Variants in SLC35H1 observed in about 807,000 individuals in gnomAD.
SLC35H1 encodes the protein ovarian cancer-overexpressed gene 1 protein.
the SLC35H1 span, chr20:46,357,840 T>C: frequency 2.5e-6 from 4 of 1,574,608 alleles, no homozygotes; most frequent in African/African-American, 4.1e-5. Flanking sequence ...GGCTCCCTCT[T>C]CCTCTTCGCC....
At chr20:46,348,937 A>C in the SLC35H1 span, 1 of 152,196 alleles carries the variant, frequency 6.6e-6, no homozygotes, top group African/African-American at 2.4e-5. Flanking sequence ...CTGGCCCTTT[A>C]CAGGAAGTTT....
At chr20:46,361,511 ACAGATCT>A in the SLC35H1 span, among the ~76,000 whole-genome samples, 1 of 152,182 alleles carries the variant, frequency 6.6e-6, no homozygotes, top group Non-Finnish European at 1.5e-5. Context: ...ACATACGTCT[ACAGATCT>A]CAAAACCCAC....
chr20:46,362,215 C>G, the SLC35H1 span, among the ~76,000 whole-genome samples: 1 of 152,240 alleles, frequency 6.6e-6, no homozygotes, highest in South Asian at 2.1e-4. Flanking sequence ...GAGACACAGA[C>G]GTGAAACTGA....
chr20:46,361,945 G>A, the SLC35H1 span, among the ~76,000 whole-genome samples: 2 of 152,102 alleles, frequency 1.3e-5, no homozygotes, highest in Admixed American at 6.5e-5. Context: ...CTGCAGCACT[G>A]CAACACCGCA....
At chr20:46,354,916 G>C in the SLC35H1 span, 1 of 1,613,022 alleles carries the variant, frequency 6.2e-7, no homozygotes, top group Non-Finnish European at 8.5e-7. Context: ...AGAGCCCCAG[G>C]AACATGAGTG....
At chr20:46,348,134 C>T in the SLC35H1 span, 4 of 125,124 alleles carry the variant, frequency 3.2e-5, no homozygotes, top group South Asian at 2.9e-4. Context: ...CCGAGGTGGA[C>T]GCTGTCTGGC....
the SLC35H1 span, chr20:46,358,704 G>A: frequency 1.3e-6 from 2 of 1,550,784 alleles, no homozygotes; most frequent in East Asian, 2.4e-5. Context: ...AGGGGCTGGT[G>A]GCTGGTGCTG....
chr20:46,364,419 GC>G, the SLC35H1 span: 3 of 152,258 alleles, frequency 2.0e-5, no homozygotes, highest in Non-Finnish European at 4.4e-5. Flanking sequence ...GAAGTGCGAG[GC>G]CGGATGCCGC....
chr20:46,351,369 C>T, the SLC35H1 span, among the ~76,000 whole-genome samples: 26 of 152,264 alleles, frequency 1.7e-4, no homozygotes, highest in African/African-American at 5.8e-4. Context: ...CCTCAGCATG[C>T]GGCTGGCCAC....
chr20:46,354,207 G>A, the SLC35H1 span, among the ~76,000 whole-genome samples: 1 of 152,082 alleles, frequency 6.6e-6, no homozygotes, highest in Non-Finnish European at 1.5e-5. Flanking sequence ...CCCAGCTCTG[G>A]AAGCCCACCC....
At chr20:46,350,672 CCACCGGGCA>C in the SLC35H1 span, 1 of 1,536,124 alleles carries the variant, frequency 6.5e-7, no homozygotes, top group Non-Finnish European at 8.8e-7. Flanking sequence ...GGCAGCAGAG[CCACCGGGCA>C]CACTTCCTGC....
chr20:46,360,699 C>A, the SLC35H1 span, among the ~76,000 whole-genome samples: 2 of 152,238 alleles, frequency 1.3e-5, no homozygotes, highest in South Asian at 2.1e-4. Context: ...CAGGCATGCA[C>A]CACCACACCC....
the SLC35H1 span, chr20:46,364,425 T>TGCC: frequency 6.6e-6 from 1 of 152,202 alleles, no homozygotes; most frequent in African/African-American, 2.4e-5. Flanking sequence ...CGAGGCCGGA[T>TGCC]GCCGCCGCCG....
chr20:46,351,544 G>T, the SLC35H1 span, among the ~76,000 whole-genome samples: 1 of 152,214 alleles, frequency 6.6e-6, no homozygotes, highest in African/African-American at 2.4e-5. Flanking sequence ...TGAGAGGGAA[G>T]GACAGGCCTG....
the SLC35H1 span, among the ~76,000 whole-genome samples, chr20:46,360,370 A>T: frequency 6.6e-6 from 1 of 152,086 alleles, no homozygotes; most frequent in African/African-American, 2.4e-5. Context: ...GCGACACAAC[A>T]CGGCTGTGTC....
chr20:46,359,821 C>T, the SLC35H1 span, among the ~76,000 whole-genome samples: 11 of 152,186 alleles, frequency 7.2e-5, no homozygotes, highest in Non-Finnish European at 1.6e-4. Flanking sequence ...ACCTTCTTCT[C>T]GAAGCCTTCC....
chr20:46,350,625 T>C, the SLC35H1 span: 7 of 745,342 alleles, frequency 9.4e-6, no homozygotes, highest in Admixed American at 2.5e-5. Context: ...ACCCACCCAC[T>C]CTGGAGATGA....
At chr20:46,356,083 A>G in the SLC35H1 span, among the ~76,000 whole-genome samples, 1 of 152,164 alleles carries the variant, frequency 6.6e-6, no homozygotes, top group Non-Finnish European at 1.5e-5. Flanking sequence ...TCTGACGTTG[A>G]GCTCCCTGAG....
chr20:46,356,648 A>G, the SLC35H1 span: 3 of 1,612,748 alleles, frequency 1.9e-6, no homozygotes, highest in Admixed American at 5.0e-5. Flanking sequence ...CTGTGAAGAC[A>G]CAGGCACCCA....
Sources: gnomAD v4.1 joint callset for allele counts (sites outside exome capture counted in the v4.1 genomes callset) on GRCh38, gnomAD v4.1.1 for gene constraint, MANE v1.5 for transcripts, NCBI Gene and HGNC (gene_info 2026-07-23, HGNC 2026-07-21) for gene names.